The following CNTNAP2 variants were observed in gnomAD, a reference collection of about 807,000 sequenced individuals.
The protein encoded by CNTNAP2 is contactin-associated protein-like 2.
Under a neutral mutation model 155.2 loss-of-function variants are expected in CNTNAP2, and 98 were observed. The ratio of observed to expected loss-of-function variants is 0.63; its 90% CI spans 0.54 to 0.75. The LOEUF (loss-of-function observed/expected upper bound fraction) is 0.75, where lower values mean the gene tolerates loss of function less well. Among genes scored for constraint, CNTNAP2 ranks in the 30% least tolerant of loss-of-function variants. CNTNAP2 has a pLI of 0.00. For missense variants in CNTNAP2, 1,727 were observed against 1,688.1 expected (o/e 1.02, Z -0.40); for synonymous variants, 651 against 631.2 (o/e 1.03, Z -0.47).
intron 1 of CNTNAP2, among the ~76,000 whole-genome samples, chr7:146,713,804 T>C (rs932177256): frequency 1.3e-5 from 2 of 152,152 alleles, no homozygotes; most frequent in Non-Finnish European, 2.9e-5. Flanking sequence ...TCCTGACTCT[T>C]TTAGCCACTT....
At chr7:148,366,395 T>G (rs973561869) in intron 21 of CNTNAP2, among the ~76,000 whole-genome samples, 1 of 152,028 alleles carries the variant, frequency 6.6e-6, no homozygotes, top group Non-Finnish European at 1.5e-5. Context: ...AGGTAGAAAC[T>G]CTTTTTCACT....
At chr7:146,904,179 C>T (rs560045402) in intron 3 of CNTNAP2, among the ~76,000 whole-genome samples, 1 of 152,240 alleles carries the variant, frequency 6.6e-6, no homozygotes, top group East Asian at 1.9e-4. Flanking sequence ...CTAACTTACT[C>T]GTCTCCATTC....
At chr7:147,919,210 C>T (rs1800214834) in intron 14 of CNTNAP2, among the ~76,000 whole-genome samples, 1 of 152,036 alleles carries the variant, frequency 6.6e-6, no homozygotes, top group Non-Finnish European at 1.5e-5. Context: ...AGCCCTGACA[C>T]ACCTTGATCT....
chr7:147,652,418 T>A (rs1795462738), intron 13 of CNTNAP2, among the ~76,000 whole-genome samples: 2 of 152,208 alleles, frequency 1.3e-5, no homozygotes, highest in South Asian at 4.1e-4. Flanking sequence ...AGATAACTAA[T>A]GCTTAATAAT....
intron 10 of CNTNAP2, among the ~76,000 whole-genome samples, chr7:147,478,595 A>G (rs191013275): frequency 1.1e-3 from 174 of 152,306 alleles, no homozygotes; most frequent in Admixed American, 3.9e-3. Context: ...TTTTCCTTTC[A>G]TTCACTGAAT....
chr7:146,897,422 G>A (rs529796849), intron 3 of CNTNAP2, among the ~76,000 whole-genome samples: 93 of 152,122 alleles, frequency 6.1e-4, no homozygotes, highest in African/African-American at 2.1e-3. Context: ...GATTTGGTCA[G>A]TAATTTAAAA....
intron 2 of CNTNAP2, among the ~76,000 whole-genome samples, chr7:146,797,396 G>C (rs371992252): frequency 1.3e-5 from 2 of 152,158 alleles, no homozygotes; most frequent in African/African-American, 4.8e-5. Context: ...ATGTGGGGCT[G>C]TCTGATAAAT....
chr7:147,714,618 G>A (rs1366593007), intron 13 of CNTNAP2, among the ~76,000 whole-genome samples: 1 of 151,976 alleles, frequency 6.6e-6, no homozygotes, highest in Non-Finnish European at 1.5e-5. Context: ...AAAGGAATTG[G>A]ATTTTTTTAT....
chr7:148,074,685 CA>C (rs111493967), intron 15 of CNTNAP2, among the ~76,000 whole-genome samples: 8,333 of 135,348 alleles, frequency 0.062, 654 homozygotes, highest in African/African-American at 0.19. Flanking sequence ...AAGACTGTCT[CA>C]AAAAAAAAAA....
At chr7:147,772,809 A>G (rs700319) in intron 13 of CNTNAP2, among the ~76,000 whole-genome samples, 1 of 151,674 alleles carries the variant, frequency 6.6e-6, no homozygotes, top group Non-Finnish European at 1.5e-5. Flanking sequence ...TACAGTCATA[A>G]CCATGTCATT....
intron 1 of CNTNAP2, among the ~76,000 whole-genome samples, chr7:146,497,369 T>C (rs146265207): frequency 2.2e-4 from 34 of 152,274 alleles, no homozygotes; most frequent in African/African-American, 7.2e-4. Context: ...GAATTGAAGG[T>C]AATGTATTTT....
chr7:147,914,907 T>C (rs1407713251), intron 14 of CNTNAP2, among the ~76,000 whole-genome samples: 1 of 152,204 alleles, frequency 6.6e-6, no homozygotes, highest in Non-Finnish European at 1.5e-5. Context: ...ACATAATTTC[T>C]AGAAAATCTA....
chr7:146,419,399 A>G (rs1011900182), intron 1 of CNTNAP2, among the ~76,000 whole-genome samples: 2 of 152,010 alleles, frequency 1.3e-5, no homozygotes, highest in African/African-American at 4.8e-5. Flanking sequence ...AAACCATATC[A>G]CCTTTGGAAT....
At chr7:146,590,833 G>T (rs572511014) in intron 1 of CNTNAP2, among the ~76,000 whole-genome samples, 1 of 152,270 alleles carries the variant, frequency 6.6e-6, no homozygotes, top group Admixed American at 6.5e-5. Flanking sequence ...CTTGATTGTT[G>T]CTGTTCTTTA....
intron 12 of CNTNAP2, among the ~76,000 whole-genome samples, chr7:147,601,040 C>T (rs538837050): frequency 1.3e-5 from 2 of 152,278 alleles, no homozygotes; most frequent in African/African-American, 4.8e-5. Flanking sequence ...AGTGATCAGC[C>T]TCCAAACATA....
chr7:146,548,422 G>A (rs1161622023), intron 1 of CNTNAP2, among the ~76,000 whole-genome samples: 1 of 151,938 alleles, frequency 6.6e-6, no homozygotes, highest in African/African-American at 2.4e-5. Flanking sequence ...GTGCTGCAAA[G>A]AATATACACT....
At chr7:146,840,022 CTATT>C (rs766848589) in intron 3 of CNTNAP2, 118 bp downstream of exon 3, 124 of 1,209,014 alleles carry the variant, frequency 1.0e-4, no homozygotes, top group African/African-American at 5.4e-4. Context: ...CATTGGGAAA[CTATT>C]TATTCATCAT....
At chr7:147,635,839 A>G (rs1026073982) in intron 12 of CNTNAP2, among the ~76,000 whole-genome samples, 1 of 152,188 alleles carries the variant, frequency 6.6e-6, no homozygotes, top group East Asian at 1.9e-4. Flanking sequence ...CTATTCCATC[A>G]TGAGTCAAAG....
At chr7:147,422,212 T>C (rs1459266403) in intron 10 of CNTNAP2, among the ~76,000 whole-genome samples, 2 of 148,200 alleles carry the variant, frequency 1.3e-5, no homozygotes, top group Non-Finnish European at 3.0e-5. Context: ...ATATACACAA[T>C]ATATATACTG....
Sources: allele counts gnomAD v4.1 joint callset (sites outside exome capture counted in the v4.1 genomes callset), GRCh38; gene constraint gnomAD v4.1.1; transcripts MANE v1.5; gene names NCBI Gene and HGNC (gene_info 2026-07-23, HGNC 2026-07-21).